The following CUX1 variants were observed in gnomAD, a reference collection of about 807,000 sequenced individuals.
The protein encoded by CUX1 is protein CASP.
In CUX1, 31 loss-of-function variants were observed where a neutral mutation model predicts 158.8. The ratio of observed to expected loss-of-function variants is 0.20; its 90% confidence interval spans 0.15 to 0.26. The LOEUF (loss-of-function observed/expected upper bound fraction) is 0.26. Among genes scored for constraint, CUX1 ranks in the 10% least tolerant of loss-of-function variants. CUX1 has a pLI of 1.00. For synonymous variants in CUX1, 879 were observed against 862.1 expected, an observed-to-expected ratio of 1.02 and a Z score of -0.34; for missense variants, 1,589 against 2,014.6, an observed-to-expected ratio of 0.79 and a Z score of 4.04.
rs1584751739 is a variant in CUX1 at position 101,848,928 on chromosome 7, ACTGT to A, written c.30+31263_30+31266del. 5.7e-5 allele frequency among the ~76,000 whole-genome samples: 8 copies of A among 140,668 alleles called. No individual in the cohort carries two copies. In the East Asian group the frequency reaches 1.7e-3, roughly 29 times the overall value. The allele number at this position is 140,668 out of a possible 152,430, so 92.3% of individuals were successfully genotyped here. ...TGCAAGGCAATTTTTTTTTTTTTTG[ACTGT>A]CTGGAGAGCTTGGGTTCCATGAACA... On this transcript the variant is annotated intron_variant, in intron 1 of 23. Transcript: ENST00000292535.
At chr7:102,183,206 G>T (rs1448114027) in intron 11 of CUX1, among the ~76,000 whole-genome samples, 3 of 152,166 alleles carry the variant, frequency 2.0e-5, no homozygotes, top group Non-Finnish European at 4.4e-5. Context: ...TAGAGACAGG[G>T]TTTCACCATG....
intron 8 of CUX1, among the ~76,000 whole-genome samples, chr7:102,123,989 T>C (rs1554494345): frequency 6.6e-6 from 1 of 152,148 alleles, no homozygotes; most frequent in African/African-American, 2.4e-5. Context: ...TCATCCAGCA[T>C]CCTTTGAGAG....
chr7:102,274,324 T>A (rs1791443302), intron 16 of CUX1: 1 of 1,610,208 alleles, frequency 6.2e-7, no homozygotes, highest in Non-Finnish European at 8.5e-7. Context: ...AGGAGAGGCC[T>A]GACCCATGGG....
intron 3 of CUX1, among the ~76,000 whole-genome samples, chr7:102,054,161 A>G (rs942653735): frequency 6.6e-6 from 1 of 152,008 alleles, no homozygotes; most frequent in African/African-American, 2.4e-5. Context: ...TTTATATTTG[A>G]TGAAATCCAA....
At chr7:102,128,607 C>CCA (rs1832899200) in intron 8 of CUX1, among the ~76,000 whole-genome samples, 2 of 151,614 alleles carry the variant, frequency 1.3e-5, no homozygotes, top group African/African-American at 4.8e-5. Context: ...TCGTAAAGAC[C>CCA]TGGGTTTAAT....
In CUX1 at chr7:101,968,668, C is replaced by T. The variant is rs1012573471; in HGVS notation, c.141+52443C>T. 4.1e-4 allele frequency among the ~76,000 whole-genome samples: 63 copies of T among 152,284 alleles called. 1 individual carries two copies. The highest frequency in any genetic ancestry group is 1.9e-4 in the East Asian group (1 of 5,174). On this transcript the variant is annotated intron_variant, in intron 2 of 23. Coordinates refer to ENST00000292535, the MANE Select transcript of CUX1 (RefSeq NM_181552.4). ...AAACTCCTGGCCTCAAGTGATCCAC[C>T]TATTTTGGCCTCCCAAAGTGCTGGG...
Position 102,248,452 on chromosome 7 carries a change from G to A in CUX1, c.3928G>A (p.Ala1310Thr). 1 of 1,599,550 alleles carries A rather than the reference G, an allele frequency of 6.3e-7. No individual in the cohort carries two copies. The highest frequency in any genetic ancestry group is 8.5e-7 in the Non-Finnish European group (1 of 1,176,556). Residue 1310 changes from alanine to threonine, a missense_variant, in exon 24 of 24, where the codon GCC (alanine) becomes ACC (threonine). By Grantham distance (58) the Ala-to-Thr change is moderately conservative (BLOSUM62 0). This residue lies in a region of CUX1 where 344 missense variants were observed against 323.7 expected (regional missense o/e 1.06). Transcript: ENST00000292535. The surrounding 1 kb of genome is among the most constrained non-coding windows in gnomAD (Gnocchi z 5.8). Reference sequence around the variant, plus strand: ...AGAACTGTTCATTGAGGAAATTCAGGCCGGGAGTCAGGGCCAGGCGGGCGC... The same window carrying A: ...AGAACTGTTCATTGAGGAAATTCAGACCGGGAGTCAGGGCCAGGCGGGCGC... The part of the protein sequence containing the change: ...RRELFIEEIQ[A>T]GSQGQAGASD...
At chr7:101,894,288 G>C (rs181062243) in intron 1 of CUX1, among the ~76,000 whole-genome samples, 2 of 152,346 alleles carry the variant, frequency 1.3e-5, no homozygotes, top group Admixed American at 6.5e-5. Context: ...CAGAAAGACT[G>C]AATTATGGTG....
intron 8 of CUX1, among the ~76,000 whole-genome samples, chr7:102,117,662 A>C (rs1831574823): frequency 6.6e-6 from 1 of 152,132 alleles, no homozygotes; most frequent in Non-Finnish European, 1.5e-5. Flanking sequence ...GGCATAGTAC[A>C]TCCCTAGCAT....
At chr7:102,093,226 TAAAAAAA>T (rs10570840) in intron 4 of CUX1, among the ~76,000 whole-genome samples, 3 of 139,724 alleles carry the variant, frequency 2.1e-5, no homozygotes, top group South Asian at 2.3e-4. Context: ...CCTATCTCTT[TAAAAAAA>T]AAAAAAAAAA....
intron 2 of CUX1, among the ~76,000 whole-genome samples, chr7:102,015,314 G>T (rs1426597011): frequency 6.6e-6 from 1 of 151,828 alleles, no homozygotes; most frequent in Non-Finnish European, 1.5e-5. Flanking sequence ...TGCAACCTCC[G>T]CCTCCCAGGT....
intron 2 of CUX1, among the ~76,000 whole-genome samples, chr7:101,937,317 T>A (rs141347878): frequency 1.9e-4 from 29 of 152,170 alleles, no homozygotes; most frequent in African/African-American, 6.0e-4. Context: ...CTAAAAGCCA[T>A]CTCCAGGTCA....
At chr7:102,069,785 G>A (rs546739112) in intron 3 of CUX1, among the ~76,000 whole-genome samples, 1 of 152,206 alleles carries the variant, frequency 6.6e-6, no homozygotes, top group African/African-American at 2.4e-5. Flanking sequence ...TTGCTCCTGG[G>A]ATTTGAATGT....
At chr7:102,043,125 A>AT (rs1822313772) in intron 3 of CUX1, among the ~76,000 whole-genome samples, 2 of 151,736 alleles carry the variant, frequency 1.3e-5, no homozygotes, top group East Asian at 1.9e-4. Flanking sequence ...TAATTTTTTT[A>AT]TTTTTTGTAG....
chr7:101,819,852 C>T (rs746230398), intron 1 of CUX1, among the ~76,000 whole-genome samples: 15 of 152,296 alleles, frequency 9.8e-5, no homozygotes, highest in Middle Eastern at 3.4e-3. Context: ...ACTACATCCT[C>T]GGCTTCGTGT....
At chr7:102,177,553 G>A (rs1364439406) in intron 10 of CUX1, among the ~76,000 whole-genome samples, 2 of 151,950 alleles carry the variant, frequency 1.3e-5, no homozygotes, top group African/African-American at 2.4e-5. Flanking sequence ...AATCTCGGTG[G>A]TTTGGGAGCA....
At chr7:101,873,614 T>C (rs1034838297) in intron 1 of CUX1, among the ~76,000 whole-genome samples, 3 of 152,164 alleles carry the variant, frequency 2.0e-5, no homozygotes, top group Non-Finnish European at 1.5e-5. Context: ...TTTTCTTAGG[T>C]TCTTCTTTTT....
At chr7:101,848,298 T>G (rs1163106129) in intron 1 of CUX1, among the ~76,000 whole-genome samples, 2 of 152,124 alleles carry the variant, frequency 1.3e-5, no homozygotes, top group Non-Finnish European at 2.9e-5. Flanking sequence ...CCCAGCTCAG[T>G]TGGCATAATG....
intron 15 of CUX1, among the ~76,000 whole-genome samples, chr7:102,198,142 C>T (rs1194942906): frequency 6.6e-6 from 1 of 152,080 alleles, no homozygotes; most frequent in Admixed American, 6.6e-5. Context: ...TACCTGTGGT[C>T]CCAGCTACTT....
Sources: gnomAD v4.1 joint callset for allele counts (sites outside exome capture counted in the v4.1 genomes callset) on GRCh38, gnomAD v4.1.1 for gene constraint, gnomAD v4.1.1 regional missense constraint, Gnocchi (gnomAD v3.1) non-coding constraint, MANE v1.5 for transcripts, NCBI Gene and HGNC (gene_info 2026-07-23, HGNC 2026-07-21) for gene names.